The following TEFM variants were observed in gnomAD, a reference collection of about 807,000 sequenced individuals.
The protein encoded by TEFM is transcription elongation factor of mitochondria.
Under a neutral mutation model 23.0 loss-of-function variants are expected in TEFM, and 14 were observed. The observed-to-expected ratio is 0.61, with a 90% confidence interval of 0.40 to 0.95. TEFM has a LOEUF of 0.95. Among genes scored for constraint, TEFM ranks in the 40% least tolerant of loss-of-function variants. The pLI is 0.00. For synonymous variants in TEFM, 155 were observed against 158.3 expected (o/e 0.98, Z 0.16); for missense variants, 386 against 425.5 (o/e 0.91, Z 0.82).
intron 3 of TEFM, chr17:30,899,827 A>G: frequency 2.7e-6 from 1 of 374,460 alleles, no homozygotes; most frequent in Non-Finnish European, 4.7e-6. Context: ...CCTCCTAAGT[A>G]CCAGTTTCTT....
Position 30,899,601 on chromosome 17 carries a change from G to A in TEFM, c.651C>T (p.Ser217=). The change falls in exon 4 of 4, where the codon TCC becomes TCT. Residue 217 remains serine, a synonymous_variant. Coordinates refer to ENST00000581216, the MANE Select transcript of TEFM (RefSeq NM_024683.4). ...YSSSVYLEEI[S]SIISKMPKAD... is the part of the protein sequence containing the mutation. ...CTTTAGGCATCTTTGAAATGATCGA[G>A]GAAATCTTTTTAAAAAAAGACAAAA... is the stretch of plus-strand genomic sequence containing the variant. 1 of 1,498,632 alleles carries A rather than the reference G, an allele frequency of 6.7e-7. No homozygotes were observed. The highest frequency in any genetic ancestry group is 8.9e-7 in the Non-Finnish European group (1 of 1,120,778). 92.8% of individuals were successfully genotyped at this position (1,498,632 alleles called of 1,614,324 possible). A position where few individuals can be genotyped will look rare whatever the true frequency, so the allele number is the denominator to read the frequency against.
At chr17:30,900,348 G>A (rs1598008431) in intron 3 of TEFM, 65 bp downstream of exon 3, 2 of 1,484,074 alleles carry the variant, frequency 1.3e-6, no homozygotes, top group Non-Finnish European at 1.9e-6. Flanking sequence ...TTCCTTTTGG[G>A]ACCAGAAGAT....
Position 30,900,519 on chromosome 17 carries a change from ATTC to A in TEFM, c.536_538del (p.Arg179del). 1.2e-6 allele frequency: 2 copies of A among 1,614,172 alleles called. No individual in the cohort carries two copies. The highest frequency in any genetic ancestry group is 1.7e-6 in the Non-Finnish European group (2 of 1,180,002). On this transcript the variant is annotated inframe_deletion, in exon 3 of 4. Coordinates refer to ENST00000581216, the MANE Select transcript of TEFM (RefSeq NM_024683.4). ...CTTACGATCAAGGTGAGCCCAGGCA[ATTC>A]TTCGAGTACCAAAAACGATAGATAT... is the stretch of plus-strand genomic sequence containing the variant.
At chr17:30,902,151 A>G (rs1285238932) in intron 2 of TEFM, among the ~76,000 whole-genome samples, 2 of 152,252 alleles carry the variant, frequency 1.3e-5, no homozygotes, top group Admixed American at 6.5e-5. Flanking sequence ...GTACAATGCT[A>G]TCACCTTTCC....
rs1336236363 is a variant in TEFM, at chr17:30,900,546, A to G, written c.512T>C (p.Ile171Thr). The G allele has an allele frequency of 6.2e-7, 1 of 1,613,616 alleles. No individual in the cohort carries two copies. The highest frequency in any genetic ancestry group is 1.3e-5 in the African/African-American group (1 of 74,920). Residue 171 changes from isoleucine to threonine, a missense_variant, in exon 3 of 4, where the codon ATA becomes ACA. Physicochemically the swap from Ile to Thr is moderately conservative, Grantham distance 89. Coordinates refer to ENST00000581216, the MANE Select transcript of TEFM (RefSeq NM_024683.4). ...RERLKAVNSI[I>T]SIVFGTRRIA... ...TCTTCGAGTACCAAAAACGATAGAT[A>G]TGATACTATTAACTGCCTAAAAGAA...
Position 30,906,188 on chromosome 17 carries a change from G to C in TEFM, c.11C>G (p.Ser4Cys), listed in dbSNP as rs768389961. ...CCTACCTCCCGCCGTGAAGAGGACAGACCCGCTCATCTCCAAGTTGAATCA... is the reference window on the plus strand; with the variant it reads ...CCTACCTCCCGCCGTGAAGAGGACACACCCGCTCATCTCCAAGTTGAATCA... MSG[S>C]VLFTAGERWR... The change falls in exon 1 of 4, where the codon TCT (serine) becomes TGT (cysteine). Residue 4 changes from serine to cysteine, a missense_variant. Coordinates refer to ENST00000581216, the MANE Select transcript of TEFM (RefSeq NM_024683.4). 1.2e-6 allele frequency: 2 copies of C among 1,614,244 alleles called. No individual in the cohort carries two copies. Among genetic ancestry groups the C allele is most frequent in the Non-Finnish European group, 1.7e-6 (2 of 1,180,052 alleles).
intron 2 of TEFM, among the ~76,000 whole-genome samples, chr17:30,901,207 G>A (rs1910040748): frequency 6.6e-6 from 1 of 152,026 alleles, no homozygotes; most frequent in South Asian, 2.1e-4. Context: ...GTTTAGTAGA[G>A]ACAGGGTTTC....
intron 1 of TEFM, among the ~76,000 whole-genome samples, chr17:30,904,809 G>A (rs867090135): frequency 5.9e-5 from 9 of 151,858 alleles, no homozygotes; most frequent in African/African-American, 2.2e-4. Context: ...CTCCCAGGTG[G>A]CTGGGACTAC....
intron 1 of TEFM, 32 bp downstream of exon 1, chr17:30,906,136 G>A (rs1427709706): frequency 2.0e-6 from 3 of 1,476,626 alleles, no homozygotes; most frequent in Non-Finnish European, 2.7e-6. Context: ...AATGACAGAC[G>A]GGAAATCACC....
intron 2 of TEFM, 159 bp downstream of exon 2, chr17:30,903,907 T>C (rs1429404122): frequency 3.3e-6 from 2 of 613,206 alleles, no homozygotes; most frequent in Non-Finnish European, 5.5e-6. Context: ...CAACTGCCAA[T>C]TTACTATCTG....
chr17:30,902,685 T>C (rs1375708363), intron 2 of TEFM, among the ~76,000 whole-genome samples: 1 of 152,192 alleles, frequency 6.6e-6, no homozygotes, highest in Non-Finnish European at 1.5e-5. Flanking sequence ...TATATCTTTT[T>C]CTATGGGAAG....
intron 3 of TEFM, 123 bp from the exon 4 acceptor site, chr17:30,899,729 T>C: frequency 1.4e-6 from 1 of 693,968 alleles, no homozygotes; most frequent in Admixed American, 3.7e-5. Context: ...ATATTGACAA[T>C]TTTGAAATAA....
rs1337598178 is a variant in TEFM, at chr17:30,904,357, T to C, written c.204A>G (p.Glu68=). 4 of 1,614,218 alleles carry C rather than the reference T, an allele frequency of 2.5e-6. No homozygotes were observed. The highest frequency in any genetic ancestry group is 2.5e-6 in the Non-Finnish European group (3 of 1,180,038). The part of the protein sequence containing the change: ...ENALDKLFSS[E]QQASILHVLN... ...ACACATGCAAGATGGAAGCCTGCTGTTCTGAAGAGAAGAGCTTGTCAAGTG... is the reference window on the plus strand; with the variant it reads ...ACACATGCAAGATGGAAGCCTGCTGCTCTGAAGAGAAGAGCTTGTCAAGTG... The change falls in exon 2 of 4, where the codon GAA becomes GAG. Residue 68 remains glutamate (E), a synonymous_variant. Transcript: ENST00000581216.
intron 3 of TEFM, chr17:30,900,122 T>A: frequency 4.8e-6 from 2 of 418,056 alleles, no homozygotes; most frequent in Non-Finnish European, 8.4e-6. Context: ...GTGATGGCAT[T>A]TTGAAAAATA....
Position 30,899,436 on chromosome 17 carries a change from C to A in TEFM, c.816G>T (p.Gln272His), listed in dbSNP as rs764127503. Residue 272 changes from glutamine to histidine, a missense_variant, in exon 4 of 4, where the codon CAG becomes CAT. By Grantham distance (24) the Gln-to-His change is conservative. Transcript: ENST00000581216. ...NKTFAQDGQH[Q>H]VLSMNRNAVG... ...CTGCATTTCGATTCATGCTCAGCAC[C>A]TGATGCTGCCCATCCTGGGCAAAAG... The A allele has an allele frequency of 2.6e-5, 42 of 1,614,062 alleles. No homozygotes were observed. In the Admixed American group the frequency reaches 3.8e-4, roughly 15 times the overall value.
chr17:30,903,391 T>G (rs1293746547), intron 2 of TEFM, among the ~76,000 whole-genome samples: 1 of 151,702 alleles, frequency 6.6e-6, no homozygotes, highest in African/African-American at 2.4e-5. Context: ...CATGCCCAGC[T>G]AAATTTTGTA....
At position 30,899,310 on chromosome 17, in the gene TEFM, C is replaced by T; in HGVS notation, c.942G>A (p.Arg314=). 6.2e-7 allele frequency: 1 copy of T among 1,614,084 alleles called. No homozygotes were observed. The highest frequency in any genetic ancestry group is 8.5e-7 in the Non-Finnish European group (1 of 1,180,018). The change falls in exon 4 of 4, where the codon CGG becomes CGA. Residue 314 remains arginine (R), a synonymous_variant. Transcript: ENST00000581216. The stretch of plus-strand genomic sequence containing the variant: ...CTATTTTATCTGATGGGAAGAACAC[C>T]CGAGGATCCGCCTTCAGTATAGAAT... ...LFDSILKADP[R]VFFPSDKIVH... is the part of the protein sequence containing the mutation.
chr17:30,901,080 T>C (rs1043405850), intron 2 of TEFM, among the ~76,000 whole-genome samples: 4 of 152,158 alleles, frequency 2.6e-5, no homozygotes, highest in South Asian at 2.1e-4. Flanking sequence ...TAGAGTGCAG[T>C]GGCGCAATCA....
At chr17:30,903,115 C>T (rs1325424527) in intron 2 of TEFM, among the ~76,000 whole-genome samples, 2 of 116,354 alleles carry the variant, frequency 1.7e-5, no homozygotes, top group Non-Finnish European at 3.3e-5. Flanking sequence ...TCCAGCCTGG[C>T]GACAGCACAA....
Sources: allele counts gnomAD v4.1 joint callset (sites outside exome capture counted in the v4.1 genomes callset), GRCh38; gene constraint gnomAD v4.1.1; transcripts MANE v1.5; gene names NCBI Gene and HGNC (gene_info 2026-07-23, HGNC 2026-07-21).